PIP4K2A: variants seen among roughly 807,000 people sequenced by gnomAD.
PIP4K2A encodes phosphatidylinositol-5-phosphate 4-kinase type 2 alpha.
A neutral mutation model predicts 42.9 loss-of-function variants in PIP4K2A; 14 were observed. That is an observed-to-expected ratio of 0.33 (90% CI 0.22 to 0.51). PIP4K2A has a LOEUF of 0.51. Among genes scored for constraint, PIP4K2A ranks in the 20% least tolerant of loss-of-function variants. The pLI, the probability that PIP4K2A is intolerant of heterozygous loss-of-function variation, is 0.97. For synonymous variants in PIP4K2A, 192 were observed against 192.2 expected, an observed-to-expected ratio of 1.00 and a Z score of 0.01; for missense variants, 434 against 519.8, an observed-to-expected ratio of 0.83 and a Z score of 1.61.
rs554910644 is a variant in PIP4K2A at position 22,564,024 on chromosome 10, A to C, written c.678+3827T>G. Among the ~76,000 whole-genome samples the C allele has an allele frequency of 5.9e-5, 9 of 152,332 alleles. No homozygotes were observed. The South Asian group carries it at 1.9e-3, about 32-fold the overall frequency. On this transcript the variant is annotated intron_variant, in intron 6 of 9. Transcript: ENST00000376573. ...TAGAAAGATGAGTTCTCGGTCAAACAAATTCTATTATTCTCTTTTCATAGG... is the reference window on the plus strand; with the variant it reads ...TAGAAAGATGAGTTCTCGGTCAAACCAATTCTATTATTCTCTTTTCATAGG...
intron 1 of PIP4K2A, among the ~76,000 whole-genome samples, chr10:22,664,117 A>ATATATATATACG (rs1839279891): frequency 3.4e-5 from 2 of 58,524 alleles, no homozygotes; most frequent in South Asian, 4.0e-4. Context: ...ATATATATAC[A>ATATATATATACG]TATATATATA....
At chr10:22,664,250 C>CAT (rs1471238006) in intron 1 of PIP4K2A, among the ~76,000 whole-genome samples, 9 of 129,330 alleles carry the variant, frequency 7.0e-5, no homozygotes, top group South Asian at 2.4e-4. Context: ...CACACACACA[C>CAT]ATATATATAT....
At chr10:22,689,387 G>A (rs575893477) in intron 1 of PIP4K2A, among the ~76,000 whole-genome samples, 28 of 152,230 alleles carry the variant, frequency 1.8e-4, no homozygotes, top group East Asian at 1.2e-3. Flanking sequence ...TTCAGGTTCC[G>A]CATCCGATGG....
At chr10:22,599,717 A>G (rs766352196) in intron 3 of PIP4K2A, among the ~76,000 whole-genome samples, 1 of 152,196 alleles carries the variant, frequency 6.6e-6, no homozygotes, top group Non-Finnish European at 1.5e-5. Context: ...CTATTTTGCA[A>G]CGTGGTGAAT....
chr10:22,646,399 AAG>A (rs1838882487), intron 1 of PIP4K2A: 2 of 152,168 alleles, frequency 1.3e-5, no homozygotes, highest in African/African-American at 4.8e-5. Flanking sequence ...CCTTTCACAC[AAG>A]AGAGCTTATC....
intron 1 of PIP4K2A, among the ~76,000 whole-genome samples, chr10:22,703,321 A>G (rs2130919497): frequency 6.6e-6 from 1 of 152,286 alleles, no homozygotes; most frequent in East Asian, 1.9e-4. Context: ...AGGCAGGAGG[A>G]TTGCTTGAGC....
chr10:22,678,522 A>G (rs929422692), intron 1 of PIP4K2A, among the ~76,000 whole-genome samples: 1 of 152,212 alleles, frequency 6.6e-6, no homozygotes, highest in South Asian at 2.1e-4. Flanking sequence ...AAATAAATAA[A>G]TAAATAAATA....
intron 1 of PIP4K2A, among the ~76,000 whole-genome samples, chr10:22,644,936 C>G (rs1416246180): frequency 2.0e-5 from 3 of 152,190 alleles, no homozygotes; most frequent in Non-Finnish European, 4.4e-5. Flanking sequence ...TCCAGATACT[C>G]CTAGAAATTC....
intron 1 of PIP4K2A, among the ~76,000 whole-genome samples, chr10:22,639,801 C>G (rs1174044049): frequency 6.6e-6 from 1 of 152,122 alleles, no homozygotes; most frequent in Non-Finnish European, 1.5e-5. Flanking sequence ...AGTTGTATTT[C>G]ATTCACAAAA....
At chr10:22,585,003 C>A (rs1191023298) in intron 4 of PIP4K2A, among the ~76,000 whole-genome samples, 1 of 152,174 alleles carries the variant, frequency 6.6e-6, no homozygotes, top group Non-Finnish European at 1.5e-5. Flanking sequence ...AGAAAGGCGG[C>A]CTCCACAGAC....
intron 1 of PIP4K2A, among the ~76,000 whole-genome samples, chr10:22,667,859 G>C (rs1839377069): frequency 6.9e-6 from 1 of 145,308 alleles, no homozygotes; most frequent in Non-Finnish European, 1.5e-5. Context: ...AGTTTTCAGT[G>C]AACTTCTGTG....
intron 1 of PIP4K2A, among the ~76,000 whole-genome samples, chr10:22,658,812 T>C (rs1156850739): frequency 6.6e-6 from 1 of 152,212 alleles, no homozygotes; most frequent in East Asian, 1.9e-4. Flanking sequence ...TGAATTTTTG[T>C]CTCCATTTTA....
intron 5 of PIP4K2A, 144 bp downstream of exon 5, chr10:22,573,167 T>G: frequency 1.4e-6 from 1 of 691,998 alleles, no homozygotes; most frequent in Non-Finnish European, 2.4e-6. Context: ...ACTTATTGCC[T>G]CACAGGAAGG....
intron 1 of PIP4K2A, among the ~76,000 whole-genome samples, chr10:22,665,717 TG>T (rs1839335352): frequency 6.6e-6 from 1 of 151,162 alleles, no homozygotes; most frequent in South Asian, 2.1e-4. Context: ...CCTCCCAAAG[TG>T]CTGGGATTAC....
chr10:22,586,674 G>T lies in PIP4K2A; in HGVS notation c.492+4955C>A, dbSNP rs539816208. On this transcript the variant is annotated intron_variant, in intron 4 of 9. Coordinates refer to ENST00000376573, the MANE Select transcript of PIP4K2A (RefSeq NM_005028.5). ...GCCTCCCGAGTAGCTGGGACTACAG[G>T]CACGTGCCATCATGCCTGGCTAATT... Among the ~76,000 whole-genome samples, 4 of 152,176 alleles carry T rather than the reference G, an allele frequency of 2.6e-5. No individual in the cohort carries two copies. In the East Asian group the frequency reaches 7.7e-4, roughly 29 times the overall value.
At chr10:22,568,257 TAGTC>T (rs1366037911) in intron 5 of PIP4K2A, among the ~76,000 whole-genome samples, 1 of 152,198 alleles carries the variant, frequency 6.6e-6, no homozygotes, top group Non-Finnish European at 1.5e-5. Context: ...CTGCCAGAAA[TAGTC>T]AGTCCTGTTA....
At position 22,560,580 on chromosome 10, in the gene PIP4K2A, A is replaced by G. The variant is rs1186750147; in HGVS notation, c.678+7271T>C. ...TGCAATTCACAGTGCCTGAGAATCG[A>G]CAAGGCGGCTTTTTGTAGCCCATTA... On this transcript the variant is annotated intron_variant, in intron 6 of 9. Coordinates refer to ENST00000376573, the MANE Select transcript of PIP4K2A (RefSeq NM_005028.5). 3.9e-5 allele frequency among the ~76,000 whole-genome samples: 6 copies of G among 152,228 alleles called. No individual in the cohort carries two copies. In the East Asian group the frequency reaches 9.6e-4, roughly 24 times the overall value.
intron 1 of PIP4K2A, among the ~76,000 whole-genome samples, chr10:22,651,715 C>T (rs1839000553): frequency 2.0e-5 from 3 of 152,180 alleles, no homozygotes; most frequent in South Asian, 2.1e-4. Context: ...ACAGTGGAAC[C>T]GGTGAGAGCA....
chr10:22,561,203 TA>T (rs1361265950), intron 6 of PIP4K2A, among the ~76,000 whole-genome samples: 1 of 152,224 alleles, frequency 6.6e-6, no homozygotes, highest in African/African-American at 2.4e-5. Context: ...TGACAATGGT[TA>T]TTTTTTTTTA....
Sources: gnomAD v4.1 joint callset for allele counts (sites outside exome capture counted in the v4.1 genomes callset) on GRCh38, gnomAD v4.1.1 for gene constraint, MANE v1.5 for transcripts, NCBI Gene and HGNC (gene_info 2026-07-23, HGNC 2026-07-21) for gene names.